MTUS2: variants seen among roughly 807,000 people sequenced by gnomAD.
MTUS2 encodes microtubule associated scaffold protein 2, also known as microtubule-associated tumor suppressor candidate 2.
Under a neutral mutation model 114.1 loss-of-function variants are expected in MTUS2, and 40 were observed. The ratio of observed to expected loss-of-function variants is 0.35; its 90% CI spans 0.27 to 0.46. MTUS2 has a LOEUF of 0.46. MTUS2 is among the 20% of genes least tolerant of loss of function. The pLI, the probability that MTUS2 is intolerant of heterozygous loss-of-function variation, is 1.00. For missense variants in MTUS2, 1,679 were observed against 1,705.4 expected (o/e 0.98, Z 0.27); for synonymous variants, 688 against 672.0 (o/e 1.02, Z -0.37).
At chr13:29,001,385 G>C (rs978190171) in intron 2 of MTUS2, among the ~76,000 whole-genome samples, 12 of 152,148 alleles carry the variant, frequency 7.9e-5, no homozygotes, top group Non-Finnish European at 1.8e-4. Context: ...TCAGATGCTG[G>C]ATCTATTTTT....
At chr13:28,876,133 T>C (rs1566191512) in intron 2 of MTUS2, among the ~76,000 whole-genome samples, 1 of 152,192 alleles carries the variant, frequency 6.6e-6, no homozygotes, top group South Asian at 2.1e-4. Flanking sequence ...GTATACTGAG[T>C]GTTAGTCAGT....
chr13:29,181,937 A>T (rs1894024280), intron 5 of MTUS2, among the ~76,000 whole-genome samples: 1 of 152,174 alleles, frequency 6.6e-6, no homozygotes, highest in Admixed American at 6.5e-5. Context: ...AAGTGCTCTC[A>T]CATTGTACAT....
At chr13:29,225,392 G>A (rs1464838487) in intron 5 of MTUS2, among the ~76,000 whole-genome samples, 1 of 152,144 alleles carries the variant, frequency 6.6e-6, no homozygotes, top group Non-Finnish European at 1.5e-5. Flanking sequence ...AATTTCCAAA[G>A]TTACGCAGTG....
chr13:29,170,620 T>C (rs930931654), intron 5 of MTUS2, among the ~76,000 whole-genome samples: 1 of 152,168 alleles, frequency 6.6e-6, no homozygotes, highest in African/African-American at 2.4e-5. Flanking sequence ...AGCCAGACCA[T>C]CTGGGTTTCC....
chr13:29,182,533 AC>A (rs1177830652), intron 5 of MTUS2, among the ~76,000 whole-genome samples: 27 of 152,166 alleles, frequency 1.8e-4, no homozygotes, highest in African/African-American at 6.0e-4. Context: ...CATCCCTGTT[AC>A]TCATTCAACA....
At chr13:29,497,139 C>T in intron 12 of MTUS2, 99 bp from the exon 13 acceptor site, 3 of 1,023,014 alleles carry the variant, frequency 2.9e-6, no homozygotes, top group East Asian at 2.5e-5. Context: ...TCTGAGGATG[C>T]CCAGGGCACA....
intron 2 of MTUS2, among the ~76,000 whole-genome samples, chr13:29,007,648 C>A (rs539259592): frequency 3.5e-4 from 53 of 152,210 alleles, no homozygotes; most frequent in Non-Finnish European, 7.1e-4. Context: ...GCCTACTCAA[C>A]GTGAAGATGA....
chr13:29,271,155 C>G (rs144572800), intron 5 of MTUS2, among the ~76,000 whole-genome samples: 1 of 152,282 alleles, frequency 6.6e-6, no homozygotes, highest in Non-Finnish European at 1.5e-5. Context: ...TTCTGGCTTC[C>G]TGATCTCCTA....
chr13:29,074,817 T>C (rs900272735), intron 4 of MTUS2, among the ~76,000 whole-genome samples: 8 of 152,246 alleles, frequency 5.3e-5, no homozygotes, highest in Non-Finnish European at 1.2e-4. Flanking sequence ...AGTGTCTGTC[T>C]CTGACTTTCT....
intron 2 of MTUS2, among the ~76,000 whole-genome samples, chr13:28,857,339 G>A (rs749540221): frequency 2.6e-4 from 39 of 152,152 alleles, no homozygotes; most frequent in Non-Finnish European, 4.9e-4. Context: ...CATAGGGTCC[G>A]TGAACTTCCT....
At chr13:29,031,524 G>T (rs573082673) in intron 3 of MTUS2, among the ~76,000 whole-genome samples, 16 of 151,984 alleles carry the variant, frequency 1.1e-4, no homozygotes, top group Non-Finnish European at 2.2e-4. Flanking sequence ...GAGACTTAGG[G>T]TAGAGTTGGT....
chr13:29,053,458 A>G (rs1439625713), intron 4 of MTUS2, among the ~76,000 whole-genome samples: 1 of 152,212 alleles, frequency 6.6e-6, no homozygotes, highest in African/African-American at 2.4e-5. Context: ...TTGGGCAAAT[A>G]GGAAGGTTCC....
At chr13:28,953,915 G>A (rs1882933300) in intron 2 of MTUS2, among the ~76,000 whole-genome samples, 1 of 152,184 alleles carries the variant, frequency 6.6e-6, no homozygotes, top group African/African-American at 2.4e-5. Context: ...ACTGAAGGGG[G>A]CGTTAAGGCT....
At chr13:29,489,240 C>T (rs1480390001) in intron 11 of MTUS2, among the ~76,000 whole-genome samples, 1 of 152,048 alleles carries the variant, frequency 6.6e-6, no homozygotes, top group Non-Finnish European at 1.5e-5. Context: ...CCATTGCACT[C>T]CAGCAACAAG....
chr13:28,890,812 C>T (rs1417164683), intron 2 of MTUS2, among the ~76,000 whole-genome samples: 2 of 152,062 alleles, frequency 1.3e-5, no homozygotes, highest in African/African-American at 2.4e-5. Flanking sequence ...TAATTGTTGC[C>T]TACATTGCCC....
intron 8 of MTUS2, among the ~76,000 whole-genome samples, chr13:29,416,446 A>G (rs1195318132): frequency 6.6e-6 from 1 of 150,960 alleles, no homozygotes; most frequent in African/African-American, 2.4e-5. Context: ...TGTAGCACAT[A>G]TATATAGCAT....
chr13:29,266,405 T>A (rs67771573), intron 5 of MTUS2, among the ~76,000 whole-genome samples: 1,987 of 152,224 alleles, frequency 0.013, 26 homozygotes, highest in East Asian at 0.08. Context: ...ACCCAGAGAT[T>A]AATGCTTACA....
In MTUS2 at chr13:29,474,274, A is replaced by G. The variant is rs555105960; in HGVS notation, c.3185-5876A>G. On this transcript the variant is annotated intron_variant, in intron 9 of 15. Coordinates refer to ENST00000612955, the MANE Select transcript of MTUS2 (RefSeq NM_001033602.4). ...AGGGACAGCCCTAGAATGAAACCCA[A>G]TCATTTCTGAGCCTCTAGTAGAGTG... is the stretch of plus-strand genomic sequence containing the variant. 1.2e-4 allele frequency among the ~76,000 whole-genome samples: 19 copies of G among 152,294 alleles called. No individual in the cohort carries two copies. The South Asian group carries it at 3.3e-3, about 27-fold the overall frequency.
At chr13:29,266,440 G>A (rs936720771) in intron 5 of MTUS2, among the ~76,000 whole-genome samples, 1 of 152,072 alleles carries the variant, frequency 6.6e-6, no homozygotes, top group East Asian at 1.9e-4. Context: ...AAAACTAAAC[G>A]ATGACAGAAG....
Sources: gnomAD v4.1 joint callset for allele counts (sites outside exome capture counted in the v4.1 genomes callset) on GRCh38, gnomAD v4.1.1 for gene constraint, MANE v1.5 for transcripts, NCBI Gene and HGNC (gene_info 2026-07-23, HGNC 2026-07-21) for gene names.